Variants in UNKL observed in about 807,000 individuals in gnomAD.
UNKL encodes unk like zinc finger.
In UNKL, 60 loss-of-function variants were observed where a neutral mutation model predicts 78.0. That is an observed-to-expected ratio of 0.77 (90% CI 0.63 to 0.95). UNKL has a LOEUF of 0.95. Ranked by LOEUF, UNKL falls within the 40% of genes least tolerant of loss-of-function variation. The pLI is 0.00. For synonymous variants in UNKL, 608 were observed against 474.8 expected (o/e 1.28, Z -3.65); for missense variants, 1,159 against 1,045.7 (o/e 1.11, Z -1.49).
intron 12 of UNKL, among the ~76,000 whole-genome samples, chr16:1,369,659 G>A (rs1165746902): frequency 6.6e-6 from 1 of 152,216 alleles, no homozygotes; most frequent in Non-Finnish European, 1.5e-5. Flanking sequence ...GTGAGCCACT[G>A]CACCCGACCA....
At chr16:1,396,077 G>C (rs2037247356) in intron 6 of UNKL, among the ~76,000 whole-genome samples, 2 of 151,746 alleles carry the variant, frequency 1.3e-5, no homozygotes, top group Non-Finnish European at 2.9e-5. Flanking sequence ...AAGTAGCTGA[G>C]ACTATAGGCG....
At chr16:1,408,146 G>A (rs770955089) in intron 2 of UNKL, among the ~76,000 whole-genome samples, 8 of 152,166 alleles carry the variant, frequency 5.3e-5, no homozygotes, top group Non-Finnish European at 1.2e-4. Context: ...AGAGGCCCGG[G>A]GTCCCGCGGG....
chr16:1,401,685 C>T lies in UNKL; in HGVS notation c.481G>A (p.Glu161Lys), dbSNP rs1312054142. The T allele has an allele frequency of 6.2e-7, 1 of 1,610,946 alleles. No individual in the cohort carries two copies. The highest frequency in any genetic ancestry group is 1.3e-5 in the African/African-American group (1 of 74,886). The change falls in exon 4 of 15, where the codon GAA becomes AAA. Residue 161 changes from glutamate to lysine, a missense_variant. Glu to Lys is a moderately conservative substitution (Grantham distance 56). Transcript: ENST00000389221. ...CCCAGCTGGCCGTTCTGCAAGGCTT[C>T]CTGGGCCTGCAGCTCCCTGCAAGCC... The part of the protein sequence containing the change: ...VCDVRELQAQ[E>K]ALQNGQLGGG...
chr16:1,406,179 G>A (rs1231796260), intron 2 of UNKL: 1 of 390,684 alleles, frequency 2.6e-6, no homozygotes, highest in African/African-American at 2.1e-5. Context: ...GGGGGTGATG[G>A]GAGGAACAGG....
At chr16:1,410,467 C>T (rs34835241) in intron 2 of UNKL, among the ~76,000 whole-genome samples, 341 of 152,014 alleles carry the variant, frequency 2.2e-3, no homozygotes, top group Non-Finnish European at 4.1e-3. Flanking sequence ...ATTAACCGGG[C>T]GTGGTGGCAC....
intron 14 of UNKL, among the ~76,000 whole-genome samples, chr16:1,366,815 G>A (rs951082319): frequency 5.3e-5 from 8 of 151,706 alleles, no homozygotes; most frequent in African/African-American, 1.9e-4. Context: ...TGAACAGGGA[G>A]GGATGGGGCC....
At chr16:1,405,752 G>C (rs146207456) in intron 2 of UNKL, among the ~76,000 whole-genome samples, 2 of 151,742 alleles carry the variant, frequency 1.3e-5, no homozygotes, top group Admixed American at 6.6e-5. Context: ...AAACTCATCC[G>C]AGACAATCAG....
chr16:1,369,791 G>A (rs1454538964), intron 12 of UNKL: 21 of 721,282 alleles, frequency 2.9e-5, no homozygotes, highest in East Asian at 8.3e-5. Flanking sequence ...CCCGGCCAGC[G>A]TGATGAAACG....
intron 9 of UNKL, among the ~76,000 whole-genome samples, chr16:1,385,690 C>T (rs1318198450): frequency 6.6e-6 from 1 of 152,232 alleles, no homozygotes; most frequent in Non-Finnish European, 1.5e-5. Context: ...CTGGCACGTG[C>T]AGAAAGATGT....
Position 1,367,074 on chromosome 16 carries a change from G to A in UNKL, c.2046+18C>T, listed in dbSNP as rs1457147902. 7 of 1,518,424 alleles carry A rather than the reference G, an allele frequency of 4.6e-6. No individual in the cohort carries two copies. In the African/African-American group the frequency reaches 9.6e-5, roughly 21 times the overall value. 94.1% of individuals were successfully genotyped at this position (1,518,424 alleles called of 1,614,324 possible). A position where few individuals can be genotyped will look rare whatever the true frequency, so the allele number is the denominator to read the frequency against. On this transcript the variant is annotated intron_variant, in intron 14 of 14. Coordinates refer to ENST00000389221, the MANE Select transcript of UNKL (RefSeq NM_001372107.1). ...TGCAGGCAGGCTGGCCCCTCACCCT[G>A]CCCAGAGCAGGACTCACGCCGTCCA...
At chr16:1,380,460 C>A (rs2036559752) in intron 10 of UNKL, among the ~76,000 whole-genome samples, 1 of 152,164 alleles carries the variant, frequency 6.6e-6, no homozygotes, top group Non-Finnish European at 1.5e-5. Context: ...GCGGGCAGGA[C>A]ACTGCCTCCA....
chr16:1,388,758 C>G (rs2036921517), intron 9 of UNKL, among the ~76,000 whole-genome samples: 1 of 151,374 alleles, frequency 6.6e-6, no homozygotes, highest in South Asian at 2.1e-4. Context: ...CGTGGGGACG[C>G]CACACCTCCG....
At chr16:1,379,793 C>A (rs986653993) in intron 10 of UNKL, 19 of 806,274 alleles carry the variant, frequency 2.4e-5, no homozygotes, top group Non-Finnish European at 2.9e-5. Flanking sequence ...CAACCTTCCC[C>A]CCGACTCGGG....
rs749827097 is a variant in UNKL at position 1,399,399 on chromosome 16, G to A, written c.709C>T (p.Arg237Cys). ...PHYHNSRDRRRNPRRFQYRST... is the reference protein window; with the variant it reads ...PHYHNSRDRRCNPRRFQYRST... The stretch of plus-strand genomic sequence containing the variant: ...CTGTACTGGAACCGCCGGGGGTTGC[G>A]CCGCCTGTCCCGGCTATTGTGGTAG... Residue 237 changes from arginine (R) to cysteine (C), a missense_variant, in exon 5 of 15, where the codon CGC (arginine) becomes TGC (cysteine). Coordinates refer to ENST00000389221, the MANE Select transcript of UNKL (RefSeq NM_001372107.1). The surrounding 1 kb of genome is among the most constrained non-coding windows in gnomAD (Gnocchi z 5.8). 5 of 1,600,578 alleles carry A rather than the reference G, an allele frequency of 3.1e-6. No individual in the cohort carries two copies. Among genetic ancestry groups the A allele is most frequent in the African/African-American group, 1.3e-5 (1 of 74,732 alleles).
rs772629394 is a variant in UNKL, at chr16:1,366,106, A to G, written c.*134T>C. 31 of 1,117,598 alleles carry G rather than the reference A, an allele frequency of 2.8e-5. No individual in the cohort carries two copies. Among genetic ancestry groups the G allele is most frequent in the Non-Finnish European group, 3.6e-5 (30 of 840,102 alleles). 69.2% of individuals were successfully genotyped at this position (1,117,598 alleles called of 1,614,324 possible). A position where few individuals can be genotyped will look rare whatever the true frequency, so the allele number is the denominator to read the frequency against. ...CGCAGGCGGGGCTCCCAGCCTCATGATAACGTGTAACAGGAAGGGCTCCCA... is the reference window on the plus strand; with the variant it reads ...CGCAGGCGGGGCTCCCAGCCTCATGGTAACGTGTAACAGGAAGGGCTCCCA... On this transcript the variant is annotated 3_prime_UTR_variant, in exon 15 of 15. Transcript: ENST00000389221.
chr16:1,399,048 G>C lies in UNKL; in HGVS notation c.734+326C>G. The C allele has an allele frequency of 1.4e-6, 2 of 1,417,478 alleles. No homozygotes were observed. Among genetic ancestry groups the C allele is most frequent in the Non-Finnish European group, 1.9e-6 (2 of 1,077,620 alleles). The allele number at this position is 1,417,478 out of a possible 1,614,324, so 87.8% of individuals were successfully genotyped here. A position where few individuals can be genotyped will look rare whatever the true frequency, so the allele number is the denominator to read the frequency against. On this transcript the variant is annotated intron_variant, in intron 5 of 14. Transcript: ENST00000389221. The surrounding 1 kb of genome is among the most constrained non-coding windows in gnomAD (Gnocchi z 5.8). ...AGGCTGGAGAGCGTGGCTGCAACCA[G>C]AGGCACGGGTGGGGCACACGGGGGT...
rs574237114 is a variant in UNKL at position 1,363,484 on chromosome 16, C to A, written c.*2756G>T. The A allele has an allele frequency of 9.5e-6, 3 of 317,234 alleles. No individual in the cohort carries two copies. The highest frequency in any genetic ancestry group is 1.8e-4 in the East Asian group (2 of 11,396). 19.7% of individuals were successfully genotyped at this position (317,234 alleles called of 1,614,324 possible). On this transcript the variant is annotated 3_prime_UTR_variant, in exon 15 of 15. Coordinates refer to ENST00000389221, the MANE Select transcript of UNKL (RefSeq NM_001372107.1). ...AAGGTCTGCTGACCACAGTTACACA[C>A]GTCGTGACACCACTGTATCACGGCG...
intron 12 of UNKL, among the ~76,000 whole-genome samples, chr16:1,368,666 C>T (rs1002562226): frequency 3.6e-5 from 5 of 140,652 alleles, no homozygotes; most frequent in Admixed American, 2.2e-4. Context: ...TTTGGGAGGT[C>T]GAGGCCAGCA....
At position 1,370,289 on chromosome 16, in the gene UNKL, G is replaced by A. The variant is rs1280075752; in HGVS notation, c.1426C>T (p.His476Tyr). The change falls in exon 12 of 15, where the codon CAC becomes TAC. Residue 476 changes from histidine to tyrosine, a missense_variant. By Grantham distance (83) the His-to-Tyr change is moderately conservative. Transcript: ENST00000389221. ...GAGGTGGACGCAGAGGATGGCGAGT[G>A]TAGCGATGGTGCTCTGGGCAGGGAG... ...PGSLPRAPSL[H>Y]SPSSASTSPL... 8 of 1,534,308 alleles carry A rather than the reference G, an allele frequency of 5.2e-6. No homozygotes were observed. The East Asian group carries it at 7.3e-5, about 14-fold the overall frequency.
Sources: gnomAD v4.1 joint callset for allele counts (sites outside exome capture counted in the v4.1 genomes callset) on GRCh38, gnomAD v4.1.1 for gene constraint, Gnocchi (gnomAD v3.1) non-coding constraint, MANE v1.5 for transcripts, NCBI Gene and HGNC (gene_info 2026-07-23, HGNC 2026-07-21) for gene names.